The following TCF20 variants were observed in gnomAD, a reference collection of about 807,000 sequenced individuals.
TCF20 encodes SPRE-binding protein.
In TCF20, 3 loss-of-function variants were observed where a neutral mutation model predicts 148.6. The ratio of observed to expected loss-of-function variants is 0.02; its 90% confidence interval spans 0.01 to 0.05. The LOEUF is 0.05. Ranked by LOEUF, TCF20 falls within the 10% of genes least tolerant of loss-of-function variation. The pLI, the probability that TCF20 is intolerant of heterozygous loss-of-function variation, is 1.00. For synonymous variants in TCF20, 1,049 were observed against 909.5 expected, an observed-to-expected ratio of 1.15 and a Z score of -2.76; for missense variants, 2,350 against 2,429.3, an observed-to-expected ratio of 0.97 and a Z score of 0.69.
At chr22:42,266,997 C>T (rs1343917842) in intron 1 of TCF20, among the ~76,000 whole-genome samples, 3 of 152,146 alleles carry the variant, frequency 2.0e-5, no homozygotes, top group East Asian at 3.9e-4. Flanking sequence ...AGGCCGGGCA[C>T]GGTGGCTCAT....
In TCF20 at chr22:42,213,872, G is replaced by A. The variant is rs781332291; in HGVS notation, c.1434C>T (p.Ala478=). ...TGGAGGTCTTCTTCTGAGGAGTCAG[G>A]GCATCAGAAAGTAACATGTGCTGGA... ...NTVQHMLLSD[A]LTPQKKTSKR... is the part of the protein sequence containing the mutation. Residue 478 remains alanine, a synonymous_variant, in exon 2 of 6, where the codon GCC becomes GCT. Coordinates refer to ENST00000677622, the MANE Select transcript of TCF20 (RefSeq NM_001378418.1). The A allele has an allele frequency of 5.1e-5, 83 of 1,614,036 alleles. No individual in the cohort carries two copies. The highest frequency in any genetic ancestry group is 6.4e-5 in the Non-Finnish European group (75 of 1,180,054).
At chr22:42,238,550 C>T (rs1296264421) in intron 1 of TCF20, among the ~76,000 whole-genome samples, 1 of 152,216 alleles carries the variant, frequency 6.6e-6, no homozygotes, top group Non-Finnish European at 1.5e-5. Context: ...TTTTGACATG[C>T]CTTCCTCACT....
chr22:42,294,853 C>T (rs1234167849), intron 1 of TCF20, among the ~76,000 whole-genome samples: 1 of 152,202 alleles, frequency 6.6e-6, no homozygotes, highest in Admixed American at 6.5e-5. Context: ...GGGGAATACA[C>T]ACCGGTGCTG....
chr22:42,196,982 T>C (rs1410035879), intron 2 of TCF20, among the ~76,000 whole-genome samples: 2 of 152,226 alleles, frequency 1.3e-5, no homozygotes, highest in Non-Finnish European at 2.9e-5. Context: ...GCTGCCAACA[T>C]CTTCAAATTA....
At chr22:42,168,534 C>A in intron 5 of TCF20, 75 bp downstream of exon 5, 1 of 1,521,004 alleles carries the variant, frequency 6.6e-7, no homozygotes, top group East Asian at 2.5e-5. Context: ...GAGCATAGAG[C>A]GAGCAGGAGG....
chr22:42,318,018 A>G (rs1262789704), intron 1 of TCF20, among the ~76,000 whole-genome samples: 1 of 152,166 alleles, frequency 6.6e-6, no homozygotes, highest in East Asian at 1.9e-4. Flanking sequence ...GCGTGTGCCC[A>G]GGGCAGCCTG....
chr22:42,300,577 G>T (rs975715814), intron 1 of TCF20, among the ~76,000 whole-genome samples: 2 of 152,138 alleles, frequency 1.3e-5, no homozygotes, highest in African/African-American at 4.8e-5. Context: ...AGGGGTGCGG[G>T]CTAAGACTTG....
At chr22:42,309,629 A>G (rs1338526998) in intron 1 of TCF20, among the ~76,000 whole-genome samples, 1 of 149,772 alleles carries the variant, frequency 6.7e-6, no homozygotes, top group Non-Finnish European at 1.5e-5. Flanking sequence ...CTCTGCCCAC[A>G]CTGTCCCCAA....
intron 1 of TCF20, among the ~76,000 whole-genome samples, chr22:42,238,782 G>A (rs143195268): frequency 2.4e-3 from 359 of 152,312 alleles, no homozygotes; most frequent in African/African-American, 7.4e-3. Flanking sequence ...TAAGTTCGCC[G>A]TCTTATATGG....
chr22:42,190,629 G>C (rs1937284247), intron 2 of TCF20, among the ~76,000 whole-genome samples: 1 of 152,202 alleles, frequency 6.6e-6, no homozygotes, highest in South Asian at 2.1e-4. Flanking sequence ...CATCCAGGAG[G>C]AGTTAAAGCT....
rs755544791 is a variant in TCF20 at position 42,212,115 on chromosome 22, T to C, written c.3191A>G (p.His1064Arg). Residue 1064 changes from histidine to arginine, a missense_variant, in exon 2 of 6, where the codon CAT becomes CGT. Coordinates refer to ENST00000677622, the MANE Select transcript of TCF20 (RefSeq NM_001378418.1). ...ATAAGCATGAGCCCGAGTATTTGCA[T>C]GATAAGCAGAGGCCAGGGTTTCTGA... ...PNSETLASAYHANTRAHAYGD... is the reference protein window; with the variant it reads ...PNSETLASAYRANTRAHAYGD... 1.2e-5 allele frequency: 20 copies of C among 1,614,026 alleles called. No individual in the cohort carries two copies. Among genetic ancestry groups the C allele is most frequent in the South Asian group, 2.2e-5 (2 of 91,076 alleles).
At chr22:42,222,793 T>C (rs1922498132) in intron 1 of TCF20, among the ~76,000 whole-genome samples, 1 of 152,230 alleles carries the variant, frequency 6.6e-6, no homozygotes, top group Non-Finnish European at 1.5e-5. Flanking sequence ...TTACCTTGCT[T>C]AGTAAAAACA....
Position 42,215,000 on chromosome 22 carries a change from T to G in TCF20, c.306A>C (p.Gly102=), listed in dbSNP as rs780155047. Residue 102 remains glycine (G), a synonymous_variant, in exon 2 of 6, where the codon GGA becomes GGC. Coordinates refer to ENST00000677622, the MANE Select transcript of TCF20 (RefSeq NM_001378418.1). ...GCCTTCGCTGAGGAGGCTGTGGGGT[T>G]CCTGTAGTCACGGGGTCTTTGTTGC... The part of the protein sequence containing the change: ...MAGNKDPVTT[G]TPQPPQRRPS... 1 of 1,614,210 alleles carries G rather than the reference T, an allele frequency of 6.2e-7. No individual in the cohort carries two copies. Among genetic ancestry groups the G allele is most frequent in the Admixed American group, 1.7e-5 (1 of 60,020 alleles).
intron 1 of TCF20, among the ~76,000 whole-genome samples, chr22:42,321,933 C>A (rs1007821157): frequency 6.7e-6 from 1 of 149,180 alleles, no homozygotes; most frequent in Non-Finnish European, 1.5e-5. Context: ...GGTGACAGAG[C>A]GAGACTCCAT....
At chr22:42,201,751 G>A (rs745984156) in intron 2 of TCF20, among the ~76,000 whole-genome samples, 1 of 151,874 alleles carries the variant, frequency 6.6e-6, no homozygotes, top group African/African-American at 2.4e-5. Context: ...CTGGGGGATA[G>A]AGGAAGACTC....
intron 1 of TCF20, among the ~76,000 whole-genome samples, chr22:42,302,668 G>A (rs1022656131): frequency 2.6e-5 from 4 of 152,192 alleles, no homozygotes; most frequent in African/African-American, 9.6e-5. Context: ...AAAGAAAGAA[G>A]GAAGAACAGA....
intron 1 of TCF20, among the ~76,000 whole-genome samples, chr22:42,291,501 T>C (rs1327002620): frequency 6.6e-6 from 1 of 152,168 alleles, no homozygotes; most frequent in Non-Finnish European, 1.5e-5. Flanking sequence ...AGCTGGACCG[T>C]CTGGACTATG....
At chr22:42,300,063 G>C (rs1360634792) in intron 1 of TCF20, among the ~76,000 whole-genome samples, 1 of 152,128 alleles carries the variant, frequency 6.6e-6, no homozygotes. Flanking sequence ...TCGTTCCTTC[G>C]TTCCTTCGCT....
chr22:42,266,020 A>G (rs1380938604), intron 1 of TCF20, among the ~76,000 whole-genome samples: 2 of 152,136 alleles, frequency 1.3e-5, no homozygotes, highest in Non-Finnish European at 2.9e-5. Context: ...AGCAGTCACA[A>G]AAACCACCCT....
Sources: gnomAD v4.1 joint callset for allele counts (sites outside exome capture counted in the v4.1 genomes callset) on GRCh38, gnomAD v4.1.1 for gene constraint, MANE v1.5 for transcripts, NCBI Gene and HGNC (gene_info 2026-07-23, HGNC 2026-07-21) for gene names.